JAKMIP2: variants seen among roughly 807,000 people sequenced by gnomAD.
JAKMIP2 encodes janus kinase and microtubule-interacting protein 2.
JAKMIP2 carries 25 observed loss-of-function variants against 115.0 expected under a neutral mutation model. That is an observed-to-expected ratio of 0.22 (90% CI 0.16 to 0.30). The LOEUF is 0.30. JAKMIP2 is among the 10% of genes least tolerant of loss of function. The pLI is 1.00. For synonymous variants in JAKMIP2, 334 were observed against 343.6 expected, an observed-to-expected ratio of 0.97 and a Z score of 0.31; for missense variants, 642 against 957.6, an observed-to-expected ratio of 0.67 and a Z score of 4.35.
intron 1 of JAKMIP2, among the ~76,000 whole-genome samples, chr5:147,750,296 C>A (rs1333863345): frequency 6.6e-6 from 1 of 152,084 alleles, no homozygotes; most frequent in Non-Finnish European, 1.5e-5. Context: ...TGGTAAACAG[C>A]TGCGTTCTTA....
rs530656792 is a variant in JAKMIP2 at position 147,613,141 on chromosome 5, A to C, written c.2347-770T>G. ...GTAACAAAATTCCACTAATTTAAAC[A>C]CCGAATATTTGAAATCAACATTACA... On this transcript the variant is annotated intron_variant, in intron 19 of 21. Coordinates refer to ENST00000616793, the MANE Select transcript of JAKMIP2 (RefSeq NM_001270941.2). 2.0e-5 allele frequency among the ~76,000 whole-genome samples: 3 copies of C among 152,346 alleles called. No homozygotes were observed. The East Asian group carries it at 5.8e-4, about 29-fold the overall frequency.
chr5:147,591,807 A>G, intron 21 of JAKMIP2, 121 bp from the exon 22 acceptor site: 1 of 611,362 alleles, frequency 1.6e-6, no homozygotes, highest in Non-Finnish European at 2.9e-6. Flanking sequence ...GATGTGTATG[A>G]TCTTATGCAA....
At chr5:147,676,493 T>C (rs368652519) in intron 1 of JAKMIP2, among the ~76,000 whole-genome samples, 1 of 152,134 alleles carries the variant, frequency 6.6e-6, no homozygotes, top group Non-Finnish European at 1.5e-5. Flanking sequence ...TAAGGGCCAA[T>C]CTCTACAGGA....
At chr5:147,626,640 G>A (rs1166991247) in intron 16 of JAKMIP2, among the ~76,000 whole-genome samples, 6 of 152,172 alleles carry the variant, frequency 3.9e-5, no homozygotes, top group African/African-American at 7.2e-5. Flanking sequence ...GGAGCACTGC[G>A]CAAGTCTTGG....
chr5:147,641,242 C>A (rs7706575), intron 8 of JAKMIP2, among the ~76,000 whole-genome samples: 33,459 of 151,954 alleles, frequency 0.22, 4,646 homozygotes, highest in East Asian at 0.57. Flanking sequence ...TTGGTAAAAA[C>A]CAAAATAAAA....
chr5:147,741,621 A>G (rs1375570535), intron 1 of JAKMIP2, among the ~76,000 whole-genome samples: 3 of 152,186 alleles, frequency 2.0e-5, no homozygotes, highest in Non-Finnish European at 4.4e-5. Context: ...AACTAATTAT[A>G]CAGAAAACTG....
rs552298849 is a variant in JAKMIP2, at chr5:147,641,871, G to C, written c.1225-107C>G. The C allele has an allele frequency of 1.1e-4, 100 of 876,488 alleles. 3 individuals carry two copies. In the South Asian group the frequency reaches 1.4e-3, roughly 12 times the overall value. 54.3% of individuals were successfully genotyped at this position (876,488 alleles called of 1,614,324 possible). ...CCCATAAGGCATTATATTTGGAATAGAATAAGACTTTGTTTTTTAAATTTT... is the reference window on the plus strand; with the variant it reads ...CCCATAAGGCATTATATTTGGAATACAATAAGACTTTGTTTTTTAAATTTT... On this transcript the variant is annotated intron_variant, in intron 7 of 21. Coordinates refer to ENST00000616793, the MANE Select transcript of JAKMIP2 (RefSeq NM_001270941.2).
chr5:147,741,162 C>A (rs933860010), intron 1 of JAKMIP2, among the ~76,000 whole-genome samples: 1 of 152,138 alleles, frequency 6.6e-6, no homozygotes, highest in East Asian at 1.9e-4. Flanking sequence ...TAGGATACCA[C>A]TTGATTAAAA....
chr5:147,689,102 C>T (rs1423029367), intron 1 of JAKMIP2, among the ~76,000 whole-genome samples: 5 of 152,052 alleles, frequency 3.3e-5, no homozygotes, highest in South Asian at 2.1e-4. Context: ...GGGGGGAAAG[C>T]GTGCCAGGGT....
Position 147,632,676 on chromosome 5 carries a change from T to C in JAKMIP2, c.1776+4A>G. The C allele has an allele frequency of 6.4e-7, 1 of 1,551,410 alleles. No homozygotes were observed. The highest frequency in any genetic ancestry group is 8.9e-7 in the Non-Finnish European group (1 of 1,125,708). On this transcript the variant is annotated splice_donor_region_variant and intron_variant, in intron 13 of 21. Coordinates refer to ENST00000616793, the MANE Select transcript of JAKMIP2 (RefSeq NM_001270941.2). ...TTTTATTATTATCATCATCATTTCCTTACTTCTAGCTCTAGGTTTCGAAAC... is the reference window on the plus strand; with the variant it reads ...TTTTATTATTATCATCATCATTTCCCTACTTCTAGCTCTAGGTTTCGAAAC...
At chr5:147,674,912 C>T (rs570114143) in intron 1 of JAKMIP2, among the ~76,000 whole-genome samples, 65 of 152,208 alleles carry the variant, frequency 4.3e-4, no homozygotes, top group African/African-American at 1.6e-3. Context: ...GTCAGTTAGG[C>T]TGATTTAATG....
intron 1 of JAKMIP2, among the ~76,000 whole-genome samples, chr5:147,745,056 CAAAA>C (rs60275664): frequency 1.1e-5 from 1 of 88,394 alleles, no homozygotes; most frequent in Non-Finnish European, 2.5e-5. Flanking sequence ...GACTCTGTCT[CAAAA>C]AAAAAAAAAA....
rs978665142 is a variant in JAKMIP2, at chr5:147,591,580, T to C, written c.*127A>G. The C allele has an allele frequency of 4.2e-6, 4 of 961,736 alleles. No homozygotes were observed. The African/African-American group carries it at 4.9e-5, about 12-fold the overall frequency. 59.6% of individuals were successfully genotyped at this position (961,736 alleles called of 1,614,324 possible). On this transcript the variant is annotated 3_prime_UTR_variant, in exon 22 of 22. Coordinates refer to ENST00000616793, the MANE Select transcript of JAKMIP2 (RefSeq NM_001270941.2). ...CACAGTTGTAGTCCTGGCTACAGGG[T>C]AGTTCTTAGCTTTTGATCTCCCTCT...
At chr5:147,772,643 G>A (rs1489473477) in intron 1 of JAKMIP2, among the ~76,000 whole-genome samples, 3 of 151,762 alleles carry the variant, frequency 2.0e-5, no homozygotes, top group African/African-American at 7.3e-5. Context: ...TATTGTGTTA[G>A]GAGCATATAT....
chr5:147,637,084 A>G, intron 10 of JAKMIP2, 36 bp from the exon 11 acceptor site: 1 of 870,036 alleles, frequency 1.1e-6, no homozygotes, highest in East Asian at 2.4e-5. Context: ...CAGCAAGTAA[A>G]ATGGTTATTC....
chr5:147,660,744 T>A, intron 3 of JAKMIP2: 1 of 588,480 alleles, frequency 1.7e-6, no homozygotes, highest in Non-Finnish European at 3.0e-6. Context: ...TCTTACACTT[T>A]ACAATTTCAA....
chr5:147,677,805 C>T (rs570680778), intron 1 of JAKMIP2, among the ~76,000 whole-genome samples: 1 of 152,246 alleles, frequency 6.6e-6, no homozygotes, highest in East Asian at 1.9e-4. Context: ...TATGCATTAA[C>T]TCACATACTT....
At chr5:147,633,057 CTT>C (rs1457851090) in intron 12 of JAKMIP2, among the ~76,000 whole-genome samples, 1 of 152,162 alleles carries the variant, frequency 6.6e-6, no homozygotes, top group Non-Finnish European at 1.5e-5. Flanking sequence ...AGAATACTCA[CTT>C]TGCCCTTGTG....
chr5:147,641,820 T>C (rs1431012441), intron 7 of JAKMIP2, 56 bp from the exon 8 acceptor site: 48 of 1,402,382 alleles, frequency 3.4e-5, no homozygotes, highest in Non-Finnish European at 4.5e-5. Context: ...TTCTTTATAG[T>C]TTTTTGCAAA....
Sources: allele counts gnomAD v4.1 joint callset (sites outside exome capture counted in the v4.1 genomes callset), GRCh38; gene constraint gnomAD v4.1.1; transcripts MANE v1.5; gene names NCBI Gene and HGNC (gene_info 2026-07-23, HGNC 2026-07-21).